The following UMAD1 variants were observed in gnomAD, a reference collection of about 807,000 sequenced individuals.
UMAD1 encodes the protein UBAP1-MVB12-associated (UMA) domain containing 1.
UMAD1 carries 8 observed loss-of-function variants against 6.1 expected under a neutral mutation model. The observed-to-expected ratio is 1.30, with a 90% CI of 0.76 to 2.35. The LOEUF (loss-of-function observed/expected upper bound fraction) is 2.35. UMAD1 is among the 30% of genes most tolerant of loss of function. The probability of loss-of-function intolerance (pLI) is 0.00; values close to 1 mark genes in which losing one functional copy is unlikely to be tolerated. For synonymous variants in UMAD1, 56 were observed against 31.4 expected (o/e 1.78, Z -2.61); for missense variants, 130 against 78.4 (o/e 1.66, Z -2.49).
At chr7:7,859,956 T>C (rs1784084093) in intron 3 of UMAD1, among the ~76,000 whole-genome samples, 1 of 152,252 alleles carries the variant, frequency 6.6e-6, no homozygotes, top group South Asian at 2.1e-4. Context: ...TTAAGCTATG[T>C]GAACTTTAAA....
intron 3 of UMAD1, among the ~76,000 whole-genome samples, chr7:7,827,177 G>GTGTGTGTGTGTGTGTGTGTGTGTA (rs34214373): frequency 6.8e-6 from 1 of 147,180 alleles, no homozygotes; most frequent in African/African-American, 2.6e-5. Flanking sequence ...GTGTGTGTGT[G>GTGTGTGTGTGTGTGTGTGTGTGTA]TATCACATGA....
chr7:7,777,574 A>T (rs1432999300), intron 2 of UMAD1, among the ~76,000 whole-genome samples: 1 of 113,552 alleles, frequency 8.8e-6, no homozygotes, highest in African/African-American at 3.9e-5. Context: ...TACATGAGCA[A>T]ATATATATAT....
chr7:7,853,484 TTTCTATTA>T (rs1783958241), intron 3 of UMAD1, among the ~76,000 whole-genome samples: 1 of 152,162 alleles, frequency 6.6e-6, no homozygotes, highest in South Asian at 2.1e-4. Flanking sequence ...TCTTAATTTT[TTTCTATTA>T]TCCTTTGTAG....
At chr7:7,779,102 A>G (rs190233000) in intron 2 of UMAD1, among the ~76,000 whole-genome samples, 200 of 152,194 alleles carry the variant, frequency 1.3e-3, no homozygotes, top group African/African-American at 4.6e-3. Flanking sequence ...TTCTATCTCT[A>G]TATTTCTGTA....
intron 1 of UMAD1, among the ~76,000 whole-genome samples, chr7:7,662,375 C>T (rs1785496225): frequency 1.3e-5 from 2 of 152,148 alleles, no homozygotes; most frequent in South Asian, 4.1e-4. Context: ...GAAAACACTC[C>T]TGCAGCTAGC....
At chr7:7,787,683 A>G (rs777343476) in intron 2 of UMAD1, among the ~76,000 whole-genome samples, 7 of 152,130 alleles carry the variant, frequency 4.6e-5, no homozygotes, top group Non-Finnish European at 1.0e-4. Context: ...CAGTTTTCCT[A>G]ATGCAGCTTC....
intron 2 of UMAD1, among the ~76,000 whole-genome samples, chr7:7,744,847 A>C (rs1285618664): frequency 1.3e-5 from 2 of 152,060 alleles, no homozygotes; most frequent in East Asian, 1.9e-4. Context: ...ATGATTTGCA[A>C]ATATTTTTTC....
At chr7:7,820,806 T>C (rs1406225607) in intron 3 of UMAD1, among the ~76,000 whole-genome samples, 3 of 152,194 alleles carry the variant, frequency 2.0e-5, no homozygotes, top group Non-Finnish European at 2.9e-5. Flanking sequence ...GATTTAGGAA[T>C]TGCATAGTTT....
intron 2 of UMAD1, among the ~76,000 whole-genome samples, chr7:7,797,961 A>G (rs561732942): frequency 3.5e-4 from 53 of 152,356 alleles, no homozygotes; most frequent in Middle Eastern, 3.4e-3. Flanking sequence ...TGCTGGGATT[A>G]TAGGCGTGAG....
chr7:7,681,791 C>T (rs914487699), intron 2 of UMAD1, among the ~76,000 whole-genome samples: 12 of 152,096 alleles, frequency 7.9e-5, no homozygotes, highest in African/African-American at 2.7e-4. Flanking sequence ...ACTTTTAAGA[C>T]ATTATCTTTA....
intron 3 of UMAD1, among the ~76,000 whole-genome samples, chr7:7,857,107 A>G (rs1252428693): frequency 6.6e-6 from 1 of 152,250 alleles, no homozygotes; most frequent in Non-Finnish European, 1.5e-5. Flanking sequence ...TTAAATAAAT[A>G]GGAAGTAAAA....
rs151236104 is a variant in UMAD1 at position 7,785,685 on chromosome 7, T to C, written c.83-15985T>C. Among the ~76,000 whole-genome samples the C allele has an allele frequency of 5.8e-3, 880 of 152,278 alleles. 8 individuals carry two copies. The highest frequency in any genetic ancestry group is 0.02 in the African/African-American group (816 of 41,546). ...GTAGCCTAAACTTGAGTAGAGTCAG[T>C]GGCTTTAGAAAGCTGAACGTGGAGG... is the stretch of plus-strand genomic sequence containing the variant. On this transcript the variant is annotated intron_variant, in intron 2 of 3. Coordinates refer to ENST00000682710, the MANE Select transcript of UMAD1 (RefSeq NM_001302348.2).
intron 2 of UMAD1, among the ~76,000 whole-genome samples, chr7:7,795,147 A>G (rs191320478): frequency 2.0e-5 from 3 of 152,306 alleles, no homozygotes; most frequent in African/African-American, 7.2e-5. Context: ...CTTTCTCTCT[A>G]AAATATATAA....
intron 3 of UMAD1, among the ~76,000 whole-genome samples, chr7:7,843,678 A>G (rs1296391661): frequency 6.6e-6 from 1 of 152,190 alleles, no homozygotes. Flanking sequence ...AAGACCCAGT[A>G]AAAAAGAGTT....
chr7:7,642,329 T>G (rs1784993409), intron 1 of UMAD1, among the ~76,000 whole-genome samples: 2 of 152,212 alleles, frequency 1.3e-5, no homozygotes, highest in Non-Finnish European at 2.9e-5. Flanking sequence ...TTGTTTGTTT[T>G]TTTTTGTTCA....
rs1220478951 is a variant in UMAD1 at position 7,878,261 on chromosome 7, T to A, written c.*723T>A. ...CTTTCCAAAGAACTTTCCCTGCTTC[T>A]GCCTCGGTTGCCATTTGCTCTCCTT... On this transcript the variant is annotated 3_prime_UTR_variant, in exon 4 of 4. Coordinates refer to ENST00000682710, the MANE Select transcript of UMAD1 (RefSeq NM_001302348.2). 2.0e-5 allele frequency: 3 copies of A among 152,418 alleles called. No homozygotes were observed. The highest frequency in any genetic ancestry group is 7.2e-5 in the African/African-American group (3 of 41,466). 9.4% of individuals were successfully genotyped at this position (152,418 alleles called of 1,614,324 possible).
At chr7:7,708,754 A>C (rs551083079) in intron 2 of UMAD1, among the ~76,000 whole-genome samples, 1 of 152,364 alleles carries the variant, frequency 6.6e-6, no homozygotes, top group African/African-American at 2.4e-5. Flanking sequence ...TATTGGAGAC[A>C]GACCCAGCTT....
chr7:7,704,598 G>GAAA lies in UMAD1; in HGVS notation c.82+31163_82+31165dup, dbSNP rs35661728. ...GTGAAACCCTGTCTCTACTAAAATA[G>GAAA]AAAAAAAAAAAAAAAAAAAATTAGC... On this transcript the variant is annotated intron_variant, in intron 2 of 3. Coordinates refer to ENST00000682710, the MANE Select transcript of UMAD1 (RefSeq NM_001302348.2). 1.5e-4 allele frequency among the ~76,000 whole-genome samples: 14 copies of GAAA among 93,610 alleles called. 1 individual carries two copies. The highest frequency in any genetic ancestry group is 5.1e-4 in the African/African-American group (13 of 25,656). The allele number at this position is 93,610 out of a possible 152,430, so 61.4% of individuals were successfully genotyped here. A position where few individuals can be genotyped will look rare whatever the true frequency, so the allele number is the denominator to read the frequency against.
chr7:7,786,227 C>T (rs915978725), intron 2 of UMAD1, among the ~76,000 whole-genome samples: 9 of 152,322 alleles, frequency 5.9e-5, no homozygotes, highest in South Asian at 4.1e-4. Flanking sequence ...TAATTTCCCT[C>T]CATCTTGAAT....
Sources: allele counts gnomAD v4.1 joint callset (sites outside exome capture counted in the v4.1 genomes callset), GRCh38; gene constraint gnomAD v4.1.1; transcripts MANE v1.5; gene names NCBI Gene and HGNC (gene_info 2026-07-23, HGNC 2026-07-21).